The following TFEC variants were observed in gnomAD, a reference collection of about 807,000 sequenced individuals.
TFEC encodes the protein class E basic helix-loop-helix protein 34.
In TFEC, 31 loss-of-function variants were observed where a neutral mutation model predicts 41.6. The ratio of observed to expected loss-of-function variants is 0.74; its 90% confidence interval spans 0.56 to 1.01. The LOEUF (loss-of-function observed/expected upper bound fraction) is 1.01, where lower values mean the gene tolerates loss of function less well. Among genes scored for constraint, TFEC ranks in the 50% least tolerant of loss-of-function variants. TFEC has a pLI of 0.00. For synonymous variants in TFEC, 143 were observed against 140.6 expected (o/e 1.02, Z -0.12); for missense variants, 402 against 404.1 (o/e 0.99, Z 0.04).
intron 3 of TFEC, among the ~76,000 whole-genome samples, chr7:116,108,732 G>T (rs188564882): frequency 6.6e-6 from 1 of 152,096 alleles, no homozygotes; most frequent in Non-Finnish European, 1.5e-5. Context: ...TCCTACCCCA[G>T]TACAAAAATT....
At chr7:116,078,179 T>C (rs951617892) in intron 3 of TFEC, among the ~76,000 whole-genome samples, 4 of 151,842 alleles carry the variant, frequency 2.6e-5, no homozygotes, top group South Asian at 4.1e-4. Flanking sequence ...TGAATGATCA[T>C]TGGGTCAACA....
chr7:115,960,047 T>C (rs986384508), intron 3 of TFEC, among the ~76,000 whole-genome samples: 6 of 151,370 alleles, frequency 4.0e-5, no homozygotes, highest in African/African-American at 1.5e-4. Context: ...ATCAAAGTGT[T>C]TATAGAATGC....
At chr7:115,947,924 G>A (rs1791695479) in intron 6 of TFEC, among the ~76,000 whole-genome samples, 1 of 151,720 alleles carries the variant, frequency 6.6e-6, no homozygotes, top group African/African-American at 2.4e-5. Flanking sequence ...TTTTTTGAAA[G>A]GATCAACAAA....
At chr7:115,944,047 A>G (rs574936975) in intron 6 of TFEC, among the ~76,000 whole-genome samples, 985 of 20,900 alleles carry the variant, frequency 0.047, 10 homozygotes, top group Non-Finnish European at 0.12. Flanking sequence ...TTTTGCTTCA[A>G]CATTTTGTGA....
chr7:115,997,906 G>A (rs1321680002), intron 1 of TFEC, among the ~76,000 whole-genome samples: 1 of 151,910 alleles, frequency 6.6e-6, no homozygotes, highest in Non-Finnish European at 1.5e-5. Context: ...CATGGTCAGA[G>A]GGGACAAAAG....
intron 3 of TFEC, among the ~76,000 whole-genome samples, chr7:116,088,806 T>TA (rs1797258801): frequency 1.3e-5 from 2 of 152,072 alleles, no homozygotes; most frequent in African/African-American, 4.8e-5. Flanking sequence ...ATATATAATA[T>TA]ACCCGCAGAG....
intron 1 of TFEC, among the ~76,000 whole-genome samples, chr7:116,006,365 G>A (rs780498041): frequency 2.4e-4 from 36 of 152,198 alleles, no homozygotes; most frequent in Non-Finnish European, 3.2e-4. Flanking sequence ...CCAAGACCAT[G>A]AGAATCCACC....
chr7:116,067,480 C>A (rs1305942878), intron 3 of TFEC, among the ~76,000 whole-genome samples: 2 of 151,818 alleles, frequency 1.3e-5, no homozygotes, highest in South Asian at 4.2e-4. Flanking sequence ...ATCAATCAAC[C>A]GAGTATTTTG....
At chr7:116,047,249 A>G (rs904591195) in intron 3 of TFEC, among the ~76,000 whole-genome samples, 4 of 152,154 alleles carry the variant, frequency 2.6e-5, no homozygotes, top group African/African-American at 4.8e-5. Flanking sequence ...TCCCTTTCCT[A>G]ACAAAGGGAA....
At chr7:115,989,740 G>C (rs1794022153) in intron 1 of TFEC, among the ~76,000 whole-genome samples, 3 of 152,202 alleles carry the variant, frequency 2.0e-5, no homozygotes, top group Admixed American at 2.0e-4. Flanking sequence ...GCTTGAACTT[G>C]ATGGAGTGCA....
intron 3 of TFEC, among the ~76,000 whole-genome samples, chr7:116,086,795 T>C (rs1386399774): frequency 6.6e-6 from 1 of 151,960 alleles, no homozygotes; most frequent in Admixed American, 6.6e-5. Context: ...TGTAAACTAC[T>C]AGTAAACAGC....
At chr7:116,138,687 G>A (rs917567308) in intron 1 of TFEC, among the ~76,000 whole-genome samples, 3 of 152,128 alleles carry the variant, frequency 2.0e-5, no homozygotes, top group Non-Finnish European at 4.4e-5. Context: ...AAAATCCTTA[G>A]AGAAAAAGTT....
At chr7:115,943,130 T>G (rs1019296300) in intron 6 of TFEC, among the ~76,000 whole-genome samples, 2 of 152,022 alleles carry the variant, frequency 1.3e-5, no homozygotes, top group Admixed American at 1.3e-4. Flanking sequence ...TCTACTGCAA[T>G]GCACCAAAAC....
At chr7:115,971,502 TG>T (rs546734846) in intron 3 of TFEC, among the ~76,000 whole-genome samples, 31 of 151,872 alleles carry the variant, frequency 2.0e-4, no homozygotes, top group Middle Eastern at 3.4e-3. Context: ...ATCTACCTTT[TG>T]GGGGGAAAAA....
intron 6 of TFEC, among the ~76,000 whole-genome samples, chr7:115,949,333 G>A (rs1474189134): frequency 1.3e-5 from 2 of 151,928 alleles, no homozygotes; most frequent in African/African-American, 4.8e-5. Flanking sequence ...TTTCTTCACA[G>A]AATTGGAAAA....
At chr7:116,086,850 C>G (rs1797214581) in intron 3 of TFEC, among the ~76,000 whole-genome samples, 1 of 151,930 alleles carries the variant, frequency 6.6e-6, no homozygotes, top group African/African-American at 2.4e-5. Context: ...GCAATTTCTA[C>G]TCCCACATAT....
At chr7:116,113,960 T>C (rs1001624762) in intron 1 of TFEC, among the ~76,000 whole-genome samples, 8 of 152,002 alleles carry the variant, frequency 5.3e-5, no homozygotes, top group Non-Finnish European at 1.0e-4. Context: ...TTGTTCAACA[T>C]ATTTACAGGA....
chr7:115,986,291 A>T (rs1048341189), intron 1 of TFEC, among the ~76,000 whole-genome samples: 1 of 152,132 alleles, frequency 6.6e-6, no homozygotes, highest in Non-Finnish European at 1.5e-5. Context: ...TCTTGTTTTA[A>T]CCTTAGGAGA....
At chr7:115,965,756 C>T (rs1373037593) in intron 3 of TFEC, among the ~76,000 whole-genome samples, 1 of 151,572 alleles carries the variant, frequency 6.6e-6, no homozygotes, top group Non-Finnish European at 1.5e-5. Context: ...GTAAAATTAA[C>T]CTCTGAAAAT....
Sources: gnomAD v4.1 joint callset for allele counts (sites outside exome capture counted in the v4.1 genomes callset) on GRCh38, gnomAD v4.1.1 for gene constraint, MANE v1.5 for transcripts, NCBI Gene and HGNC (gene_info 2026-07-23, HGNC 2026-07-21) for gene names.